Variants in RNFT2 observed in about 807,000 individuals in gnomAD.
RNFT2 encodes the protein ring finger protein, transmembrane 2.
Under a neutral mutation model 53.0 loss-of-function variants are expected in RNFT2, and 36 were observed. The ratio of observed to expected loss-of-function variants is 0.68; its 90% confidence interval spans 0.52 to 0.90. The LOEUF (loss-of-function observed/expected upper bound fraction) is 0.90, where lower values mean the gene tolerates loss of function less well. RNFT2 is among the 40% of genes least tolerant of loss of function. The probability of loss-of-function intolerance (pLI) is 0.00; values close to 1 mark genes in which losing one functional copy is unlikely to be tolerated. For missense variants in RNFT2, 514 were observed against 585.6 expected, an observed-to-expected ratio of 0.88 and a Z score of 1.26; for synonymous variants, 260 against 253.2, an observed-to-expected ratio of 1.03 and a Z score of -0.26.
chr12:116,756,560 G>C (rs1028120038), intron 5 of RNFT2, among the ~76,000 whole-genome samples: 53 of 152,016 alleles, frequency 3.5e-4, no homozygotes, highest in Non-Finnish European at 5.9e-5. Flanking sequence ...TTTGTCAAAT[G>C]CTTTTTCTGC....
chr12:116,814,203 A>T (rs976652773), intron 7 of RNFT2, among the ~76,000 whole-genome samples: 1 of 152,154 alleles, frequency 6.6e-6, no homozygotes, highest in Non-Finnish European at 1.5e-5. Flanking sequence ...CCATTTCTTC[A>T]TCCACTGAAC....
intron 7 of RNFT2, among the ~76,000 whole-genome samples, chr12:116,821,918 T>G (rs1876060039): frequency 6.9e-6 from 1 of 144,372 alleles, no homozygotes; most frequent in Non-Finnish European, 1.5e-5. Context: ...CACTGCAGCC[T>G]CTGCCTCCCG....
chr12:116,816,678 A>G (rs1259192411), intron 7 of RNFT2, among the ~76,000 whole-genome samples: 3 of 152,132 alleles, frequency 2.0e-5, no homozygotes, highest in Non-Finnish European at 4.4e-5. Context: ...AAAATGGTGA[A>G]CTTCTCTGAA....
intron 3 of RNFT2, among the ~76,000 whole-genome samples, chr12:116,742,007 A>T (rs1871630782): frequency 6.6e-6 from 1 of 152,158 alleles, no homozygotes; most frequent in Non-Finnish European, 1.5e-5. Flanking sequence ...GCTCTGAGAA[A>T]CAACACGGAG....
chr12:116,740,685 G>A, intron 2 of RNFT2, 164 bp downstream of exon 2: 2 of 697,524 alleles, frequency 2.9e-6, no homozygotes, highest in South Asian at 1.7e-5. Flanking sequence ...CAAGTTAGCA[G>A]CAGCATCAAC....
rs775860513 is a variant in RNFT2, at chr12:116,740,308, G to T, written c.-153-37G>T. ...GGCTTCTTAGCAGATTCAAGGTATC[G>T]CAGGGACTGTTCATCCAGGTGTTCT... On this transcript the variant is annotated intron_variant, in intron 1 of 10. Coordinates refer to ENST00000257575, the MANE Select transcript of RNFT2 (RefSeq NM_001382266.1). The T allele has an allele frequency of 5.4e-4, 320 of 590,598 alleles. 4 individuals carry two copies. Among genetic ancestry groups the T allele is most frequent in the Non-Finnish European group, 1.0e-4 (34 of 326,226 alleles). 36.6% of individuals were successfully genotyped at this position (590,598 alleles called of 1,614,324 possible).
In RNFT2 at chr12:116,852,088, C is replaced by G; in HGVS notation, c.*2640C>G. 1 of 1,066,170 alleles carries G rather than the reference C, an allele frequency of 9.4e-7. No homozygotes were observed. The highest frequency in any genetic ancestry group is 1.3e-6 in the Non-Finnish European group (1 of 768,362). 66.0% of individuals were successfully genotyped at this position (1,066,170 alleles called of 1,614,324 possible). ...TCTGAAATGTTCCCTGCTCTGAAAT[C>G]TGGCATGAGATGGCACAGGTGACCA... On this transcript the variant is annotated 3_prime_UTR_variant, in exon 11 of 11. Transcript: ENST00000257575.
At chr12:116,739,437 G>T (rs1871488322) in intron 1 of RNFT2, among the ~76,000 whole-genome samples, 1 of 152,188 alleles carries the variant, frequency 6.6e-6, no homozygotes, top group Non-Finnish European at 1.5e-5. Flanking sequence ...TTCAGGAATG[G>T]CATTTATATT....
At chr12:116,755,340 C>G in intron 5 of RNFT2, 1 of 719,470 alleles carries the variant, frequency 1.4e-6, no homozygotes, top group East Asian at 2.6e-5. Context: ...GTCTATGTCC[C>G]TATTTTTTTT....
intron 6 of RNFT2, among the ~76,000 whole-genome samples, chr12:116,776,566 G>T (rs1873438872): frequency 6.6e-6 from 1 of 152,184 alleles, no homozygotes; most frequent in Non-Finnish European, 1.5e-5. Context: ...TGAAGGTGTT[G>T]TGAGTGACTT....
At chr12:116,743,222 A>AC in intron 3 of RNFT2, among the ~76,000 whole-genome samples, 1 of 104,588 alleles carries the variant, frequency 9.6e-6, no homozygotes, top group Non-Finnish European at 2.0e-5. Context: ...CTAAAAAAAA[A>AC]AAAAAAAAAA....
At chr12:116,778,411 T>C (rs780604976) in intron 6 of RNFT2, among the ~76,000 whole-genome samples, 1 of 152,220 alleles carries the variant, frequency 6.6e-6, no homozygotes, top group Non-Finnish European at 1.5e-5. Context: ...GGTGGGTTCT[T>C]ATAAAGCCAA....
At chr12:116,769,957 C>G (rs1471288500) in intron 6 of RNFT2, among the ~76,000 whole-genome samples, 1 of 152,168 alleles carries the variant, frequency 6.6e-6, no homozygotes, top group Non-Finnish European at 1.5e-5. Context: ...ATCATTTGAA[C>G]CCGGGAGGCA....
intron 10 of RNFT2, among the ~76,000 whole-genome samples, chr12:116,842,559 T>C (rs965379511): frequency 3.5e-5 from 5 of 144,510 alleles, no homozygotes; most frequent in African/African-American, 1.3e-4. Flanking sequence ...TACTTTATTT[T>C]ATTTATTTAT....
chr12:116,828,822 G>C (rs1876484742), intron 7 of RNFT2, among the ~76,000 whole-genome samples: 1 of 152,082 alleles, frequency 6.6e-6, no homozygotes, highest in Non-Finnish European at 1.5e-5. Flanking sequence ...ATCTAGGGGT[G>C]CACTGAATGT....
chr12:116,785,094 C>T (rs1226595896), intron 7 of RNFT2, among the ~76,000 whole-genome samples: 2 of 152,126 alleles, frequency 1.3e-5, no homozygotes, highest in Non-Finnish European at 2.9e-5. Context: ...TGTTTCTTCC[C>T]TCTGCCCTCC....
intron 7 of RNFT2, among the ~76,000 whole-genome samples, chr12:116,821,576 T>A (rs1876026921): frequency 6.6e-6 from 1 of 152,112 alleles, no homozygotes; most frequent in Non-Finnish European, 1.5e-5. Flanking sequence ...CCCCATACCC[T>A]GGGGCTTTTG....
At chr12:116,840,373 C>A (rs759352198) in intron 10 of RNFT2, among the ~76,000 whole-genome samples, 3 of 152,180 alleles carry the variant, frequency 2.0e-5, no homozygotes, top group Non-Finnish European at 4.4e-5. Context: ...GTTCCTCAGT[C>A]ACAGAACCAG....
At chr12:116,777,341 A>C (rs1873482510) in intron 6 of RNFT2, among the ~76,000 whole-genome samples, 1 of 152,142 alleles carries the variant, frequency 6.6e-6, no homozygotes, top group African/African-American at 2.4e-5. Flanking sequence ...TTTAGCCACT[A>C]TTACAAAGAA....
Sources: gnomAD v4.1 joint callset for allele counts (sites outside exome capture counted in the v4.1 genomes callset) on GRCh38, gnomAD v4.1.1 for gene constraint, MANE v1.5 for transcripts, NCBI Gene and HGNC (gene_info 2026-07-23, HGNC 2026-07-21) for gene names.